MCTP1: variants seen among roughly 807,000 people sequenced by gnomAD.
The protein encoded by MCTP1 is multiple C2 and transmembrane domain containing 1, also known as multiple C2 and transmembrane domain-containing protein 1.
A neutral mutation model predicts 120.6 loss-of-function variants in MCTP1; 69 were observed. The observed-to-expected ratio is 0.57, with a 90% CI of 0.47 to 0.70. The LOEUF (loss-of-function observed/expected upper bound fraction) is 0.70. MCTP1 is among the 30% of genes least tolerant of loss of function. The pLI is 0.00. For missense variants in MCTP1, 1,203 were observed against 1,248.8 expected (o/e 0.96, Z 0.55); for synonymous variants, 529 against 493.1 (o/e 1.07, Z -0.96).
intron 3 of MCTP1, among the ~76,000 whole-genome samples, chr5:94,945,516 T>C (rs1300769743): frequency 6.6e-6 from 1 of 152,194 alleles, no homozygotes; most frequent in Non-Finnish European, 1.5e-5. Context: ...TATTAATTCA[T>C]TTATTTGAAA....
chr5:94,724,473 A>G (rs1761681450), intron 19 of MCTP1, among the ~76,000 whole-genome samples: 1 of 150,164 alleles, frequency 6.7e-6, no homozygotes, highest in Non-Finnish European at 1.5e-5. Flanking sequence ...GCTAGTCTCA[A>G]ATTCTTGGGT....
intron 1 of MCTP1, among the ~76,000 whole-genome samples, chr5:95,263,807 TGAGGTTTAGA>T (rs374686984): frequency 2.6e-5 from 4 of 152,262 alleles, no homozygotes; most frequent in African/African-American, 7.2e-5. Flanking sequence ...AAAAGAAATG[TGAGGTTTAGA>T]GAGGTTAAGA....
chr5:95,208,477 T>C (rs930504112), intron 1 of MCTP1, among the ~76,000 whole-genome samples: 1 of 152,130 alleles, frequency 6.6e-6, no homozygotes, highest in African/African-American at 2.4e-5. Context: ...AAGTATTTTA[T>C]AGTTTATGAA....
chr5:95,019,081 T>G (rs547436336), intron 1 of MCTP1, among the ~76,000 whole-genome samples: 1 of 152,204 alleles, frequency 6.6e-6, no homozygotes, highest in Non-Finnish European at 1.5e-5. Context: ...TAGAAAAACA[T>G]CATGGGCACT....
At chr5:95,271,924 CT>C (rs745570437) in intron 1 of MCTP1, among the ~76,000 whole-genome samples, 5 of 152,010 alleles carry the variant, frequency 3.3e-5, no homozygotes, top group Non-Finnish European at 7.4e-5. Flanking sequence ...ATAATTTTCT[CT>C]TTTGCTGAAC....
At chr5:95,085,640 C>CACCTTCACCTTTACTAGGTATTTCCA (rs999339525) in intron 1 of MCTP1, among the ~76,000 whole-genome samples, 2 of 151,980 alleles carry the variant, frequency 1.3e-5, no homozygotes, top group Admixed American at 1.3e-4. Context: ...ACGATATGCA[C>CACCTTCACCTTTACTAGGTATTTCCA]ACCTTCACCT....
intron 1 of MCTP1, among the ~76,000 whole-genome samples, chr5:95,211,338 A>C (rs1306932566): frequency 1.3e-5 from 2 of 152,058 alleles, no homozygotes; most frequent in African/African-American, 4.8e-5. Context: ...TGGTCTTTTC[A>C]CATAGTCCCA....
intron 1 of MCTP1, among the ~76,000 whole-genome samples, chr5:95,088,240 G>A (rs1295460668): frequency 2.0e-5 from 3 of 152,176 alleles, no homozygotes; most frequent in Admixed American, 6.5e-5. Context: ...TGCAAGGCCC[G>A]TTGGGATCTT....
rs1793136206 is a variant in MCTP1, at chr5:94,849,181, T to C, written c.2436+19152A>G. Among the ~76,000 whole-genome samples, 3 of 152,248 alleles carry C rather than the reference T, an allele frequency of 2.0e-5. No homozygotes were observed. In the South Asian group the frequency reaches 6.2e-4, roughly 32 times the overall value. On this transcript the variant is annotated intron_variant, in intron 17 of 22. Coordinates refer to ENST00000515393, the MANE Select transcript of MCTP1 (RefSeq NM_024717.7). The stretch of plus-strand genomic sequence containing the variant: ...ACAAAAATATAATGGAATTAGACAC[T>C]CATCGGTGTGAATTAAAATATATTG...
chr5:94,981,304 T>C (rs925086649), intron 2 of MCTP1, among the ~76,000 whole-genome samples: 1 of 152,210 alleles, frequency 6.6e-6, no homozygotes, highest in African/African-American at 2.4e-5. Flanking sequence ...TTCTGTCTTT[T>C]CTGTTAAACT....
At position 94,708,621 on chromosome 5, in the gene MCTP1, T is replaced by G. The variant is rs1175133015; in HGVS notation, c.2831-12A>C. On this transcript the variant is annotated splice_polypyrimidine_tract_variant and intron_variant, in intron 21 of 22. Coordinates refer to ENST00000515393, the MANE Select transcript of MCTP1 (RefSeq NM_024717.7). ...AAATTTATTGATGCCTGAAACAAAGTTGGAGTTAAACAAAGCACATTTCTG... is the reference window on the plus strand; with the variant it reads ...AAATTTATTGATGCCTGAAACAAAGGTGGAGTTAAACAAAGCACATTTCTG... The G allele has an allele frequency of 9.1e-6, 14 of 1,535,386 alleles. No individual in the cohort carries two copies. The highest frequency in any genetic ancestry group is 1.2e-5 in the Non-Finnish European group (13 of 1,109,536).
chr5:95,147,659 C>T (rs1490198489), intron 1 of MCTP1, among the ~76,000 whole-genome samples: 1 of 152,246 alleles, frequency 6.6e-6, no homozygotes, highest in Middle Eastern at 3.4e-3. Context: ...TCCAGTTTGC[C>T]ACTCTATGCT....
Position 95,007,515 on chromosome 5 carries a change from C to T in MCTP1, c.838+9852G>A, listed in dbSNP as rs368851222. On this transcript the variant is annotated intron_variant, in intron 2 of 22. Transcript: ENST00000515393. ...TGCCTTCCTCAATCAGAGAATAACT[C>T]TCTCTGAGCTTTCATAAATTACATT... is the stretch of plus-strand genomic sequence containing the variant. Among the ~76,000 whole-genome samples, 17 of 152,290 alleles carry T rather than the reference C, an allele frequency of 1.1e-4. No homozygotes were observed. In the East Asian group the frequency reaches 1.5e-3, roughly 14 times the overall value.
At chr5:94,956,666 C>G (rs1822694779) in intron 2 of MCTP1, among the ~76,000 whole-genome samples, 1 of 151,660 alleles carries the variant, frequency 6.6e-6, no homozygotes, top group African/African-American at 2.4e-5. Flanking sequence ...GAAAGGATAT[C>G]AGAGATTGAA....
intron 1 of MCTP1, among the ~76,000 whole-genome samples, chr5:95,184,096 T>A (rs766306308): frequency 2.6e-5 from 4 of 152,092 alleles, no homozygotes; most frequent in African/African-American, 9.7e-5. Context: ...CCATGGCACA[T>A]GTATACCTAT....
intron 1 of MCTP1, among the ~76,000 whole-genome samples, chr5:95,256,747 G>T (rs1757936700): frequency 6.6e-6 from 1 of 152,098 alleles, no homozygotes; most frequent in Admixed American, 6.6e-5. Context: ...AGAGGAAAGA[G>T]ACCTGGCTTA....
chr5:95,136,460 G>A (rs1759453064), intron 1 of MCTP1, among the ~76,000 whole-genome samples: 1 of 152,152 alleles, frequency 6.6e-6, no homozygotes, highest in Non-Finnish European at 1.5e-5. Flanking sequence ...GATGAAGAGG[G>A]AGAGGAGAAG....
chr5:94,785,711 C>T (rs1777526947), intron 18 of MCTP1, among the ~76,000 whole-genome samples: 1 of 151,926 alleles, frequency 6.6e-6, no homozygotes, highest in Non-Finnish European at 1.5e-5. Context: ...AACAAAAAGG[C>T]ATAATTTTAA....
At chr5:94,791,914 C>T (rs1236888401) in intron 18 of MCTP1, 1 of 152,362 alleles carries the variant, frequency 6.6e-6, no homozygotes, top group Non-Finnish European at 1.5e-5. Flanking sequence ...GCCCTCATGG[C>T]TGGACAGCCA....
Sources: allele counts gnomAD v4.1 joint callset (sites outside exome capture counted in the v4.1 genomes callset), GRCh38; gene constraint gnomAD v4.1.1; transcripts MANE v1.5; gene names NCBI Gene and HGNC (gene_info 2026-07-23, HGNC 2026-07-21).